WDR35: variants seen among roughly 807,000 people sequenced by gnomAD.
WDR35 encodes WD repeat-containing protein 35.
WDR35 carries 118 observed loss-of-function variants against 158.3 expected under a neutral mutation model. That is an observed-to-expected ratio of 0.75 (90% CI 0.64 to 0.87). The LOEUF is 0.87. Among genes scored for constraint, WDR35 ranks in the 40% least tolerant of loss-of-function variants. The probability of loss-of-function intolerance (pLI) is 0.00; values close to 1 mark genes in which losing one functional copy is unlikely to be tolerated. For missense variants in WDR35, 1,263 were observed against 1,405.8 expected (o/e 0.90, Z 1.62); for synonymous variants, 448 against 476.1 (o/e 0.94, Z 0.77).
chr2:19,935,361 AAC>A (rs781433828), intron 21 of WDR35, 108 bp downstream of exon 21: 40 of 1,203,752 alleles, frequency 3.3e-5, no homozygotes, highest in Non-Finnish European at 4.5e-5. Flanking sequence ...AAGAAACTGT[AAC>A]ATTATAGATT....
At chr2:19,914,337 CA>C in intron 25 of WDR35, 60 bp from the exon 26 acceptor site, 1 of 1,601,362 alleles carries the variant, frequency 6.2e-7, no homozygotes, top group Non-Finnish European at 8.5e-7. Flanking sequence ...CATGAACATG[CA>C]AAAGAAGAAT....
At chr2:19,931,215 T>TC in intron 24 of WDR35, 54 bp downstream of exon 24, 2 of 1,576,446 alleles carry the variant, frequency 1.3e-6, no homozygotes, top group Non-Finnish European at 1.7e-6. Flanking sequence ...GTTTCTTTTT[T>TC]TTTTTTTCTT....
intron 2 of WDR35, among the ~76,000 whole-genome samples, chr2:19,985,901 A>AG (rs1672551314): frequency 1.2e-5 from 1 of 84,120 alleles, no homozygotes; most frequent in African/African-American, 5.8e-5. Flanking sequence ...CATCTCGGGA[A>AG]AAAAAAAAAA....
At chr2:19,980,888 T>C in intron 3 of WDR35, 105 bp from the exon 4 acceptor site, 3 of 950,532 alleles carry the variant, frequency 3.2e-6, no homozygotes, top group South Asian at 1.4e-5. Flanking sequence ...ATGGTTCCTG[T>C]ACAGCTAACT....
At chr2:19,914,893 G>GA (rs951128963) in intron 25 of WDR35, among the ~76,000 whole-genome samples, 66 of 143,772 alleles carry the variant, frequency 4.6e-4, no homozygotes, top group Non-Finnish European at 7.5e-4. Context: ...TACTGGAGAT[G>GA]AAAAAATCTT....
chr2:19,946,333 C>A lies in WDR35; in HGVS notation c.1634+128G>T, dbSNP rs182341867. 405 of 846,986 alleles carry A rather than the reference C, an allele frequency of 4.8e-4. 7 individuals are homozygous for A. The East Asian group carries it at 0.011, about 22-fold the overall frequency. 52.5% of individuals were successfully genotyped at this position (846,986 alleles called of 1,614,324 possible). ...AAACCAAATGCAGTATAAAATAAAA[C>A]CATACTGAATTTTAAGACAAGTTCA... On this transcript the variant is annotated intron_variant, in intron 15 of 26. Coordinates refer to ENST00000281405, the MANE Select transcript of WDR35 (RefSeq NM_020779.4).
intron 3 of WDR35, 118 bp downstream of exon 3, chr2:19,982,345 G>C: frequency 4.0e-6 from 4 of 988,998 alleles, no homozygotes; most frequent in Non-Finnish European, 6.2e-6. Context: ...AACTCAAAGA[G>C]CATCTGTACT....
At chr2:19,940,517 T>C (rs949095634) in intron 17 of WDR35, among the ~76,000 whole-genome samples, 3 of 152,190 alleles carry the variant, frequency 2.0e-5, no homozygotes, top group African/African-American at 4.8e-5. Context: ...GTGCTATCCA[T>C]ATACAGAAGA....
chr2:19,979,123 TTTC>T (rs1275292703), intron 4 of WDR35, among the ~76,000 whole-genome samples: 7 of 152,190 alleles, frequency 4.6e-5, no homozygotes, highest in African/African-American at 1.4e-4. Context: ...CCATCCTTTG[TTTC>T]TTCTTTCTTT....
rs529896215 is a variant in WDR35 at position 19,957,621 on chromosome 2, T to C, written c.1255+2933A>G. Among the ~76,000 whole-genome samples the C allele has an allele frequency of 5.2e-4, 79 of 152,144 alleles. No homozygotes were observed. In the South Asian group the frequency reaches 0.015, roughly 29 times the overall value. On this transcript the variant is annotated intron_variant, in intron 11 of 26. Transcript: ENST00000281405. ...AGGCTGGAGAGCTGTGGCACGATCT[T>C]TGCTCAGTGCAACCTCTGCCTCCTG...
chr2:19,974,687 G>C, intron 6 of WDR35, 54 bp from the exon 7 acceptor site: 1 of 1,512,878 alleles, frequency 6.6e-7, no homozygotes, highest in Non-Finnish European at 9.1e-7. Flanking sequence ...CAGCAGTATA[G>C]AGACAATACT....
At chr2:19,958,303 A>C (rs1164952522) in intron 11 of WDR35, among the ~76,000 whole-genome samples, 1 of 151,258 alleles carries the variant, frequency 6.6e-6, no homozygotes, top group Admixed American at 6.6e-5. Flanking sequence ...TCACCTAAAG[A>C]AATACTTACT....
chr2:19,979,083 A>G (rs1672304984), intron 4 of WDR35, among the ~76,000 whole-genome samples: 1 of 152,216 alleles, frequency 6.6e-6, no homozygotes, highest in South Asian at 2.1e-4. Context: ...TAACTGCTTC[A>G]AAGATTATCA....
At chr2:19,928,600 T>G (rs937042977) in intron 25 of WDR35, among the ~76,000 whole-genome samples, 2 of 152,172 alleles carry the variant, frequency 1.3e-5, no homozygotes, top group African/African-American at 4.8e-5. Context: ...AACATAATAT[T>G]TAACAAACTT....
rs775026614 is a variant in WDR35 at position 19,911,806 on chromosome 2, A to T, written c.*1752T>A. 1.3e-5 allele frequency: 2 copies of T among 152,256 alleles called. No individual in the cohort carries two copies. Among genetic ancestry groups the T allele is most frequent in the Non-Finnish European group, 2.9e-5 (2 of 68,050 alleles). 9.4% of individuals were successfully genotyped at this position (152,256 alleles called of 1,614,324 possible). A position where few individuals can be genotyped will look rare whatever the true frequency, so the allele number is the denominator to read the frequency against. ...GCATGAGACATATAAAGCCTTCAGT[A>T]TGTGTGAGAAGTTGATTCAATTACC... On this transcript the variant is annotated 3_prime_UTR_variant, in exon 27 of 27. Transcript: ENST00000281405.
chr2:19,962,186 A>G, intron 10 of WDR35: 3 of 1,164,856 alleles, frequency 2.6e-6, no homozygotes, highest in East Asian at 2.4e-5. Flanking sequence ...CCATTTTTCC[A>G]TGAACCTTCT....
At chr2:19,989,122 T>G (rs756679829) in intron 2 of WDR35, 43 bp downstream of exon 2, 2 of 1,558,396 alleles carry the variant, frequency 1.3e-6, no homozygotes, top group African/African-American at 1.4e-5. Context: ...ACAAATAACA[T>G]TAGCCAATTT....
At chr2:19,964,533 G>A (rs570338840) in intron 10 of WDR35, among the ~76,000 whole-genome samples, 4 of 151,606 alleles carry the variant, frequency 2.6e-5, no homozygotes, top group South Asian at 2.1e-4. Flanking sequence ...ACAGGCACAC[G>A]CTGCCACGCC....
chr2:19,964,057 T>G (rs548653100), intron 10 of WDR35, among the ~76,000 whole-genome samples: 174 of 152,240 alleles, frequency 1.1e-3, no homozygotes, highest in Non-Finnish European at 2.1e-3. Context: ...AGCTATGGAA[T>G]TCTAGTTGGA....
Sources: allele counts gnomAD v4.1 joint callset (sites outside exome capture counted in the v4.1 genomes callset), GRCh38; gene constraint gnomAD v4.1.1; transcripts MANE v1.5; gene names NCBI Gene and HGNC (gene_info 2026-07-23, HGNC 2026-07-21).